LHFPL2: variants seen among roughly 807,000 people sequenced by gnomAD.
LHFPL2 encodes LHFPL tetraspan subfamily member 2, also known as LHFPL tetraspan subfamily member 2 protein.
In LHFPL2, 7 loss-of-function variants were observed where a neutral mutation model predicts 17.5. The ratio of observed to expected loss-of-function variants is 0.40; its 90% CI spans 0.23 to 0.75. The LOEUF (loss-of-function observed/expected upper bound fraction) is 0.75, where lower values mean the gene tolerates loss of function less well. Among genes scored for constraint, LHFPL2 ranks in the 30% least tolerant of loss-of-function variants. The pLI is 0.37. For missense variants in LHFPL2, 241 were observed against 294.8 expected, an observed-to-expected ratio of 0.82 and a Z score of 1.34; for synonymous variants, 134 against 116.2, an observed-to-expected ratio of 1.15 and a Z score of -0.99.
At position 78,510,347 on chromosome 5, in the gene LHFPL2, G is replaced by C. The variant is rs539134620; in HGVS notation, c.-134C>G. 2.5e-3 allele frequency: 2,198 copies of C among 891,738 alleles called. 26 individuals are homozygous for C. In the African/African-American group the frequency reaches 0.032, roughly 13 times the overall value. The allele number at this position is 891,738 out of a possible 1,614,324, so 55.2% of individuals were successfully genotyped here. A position where few individuals can be genotyped will look rare whatever the true frequency, so the allele number is the denominator to read the frequency against. The stretch of plus-strand genomic sequence containing the variant: ...GTCATTCACTCCCGCCGCCGGCCGC[G>C]TTCATGCTGGGGACAGCGCTCCCGG... On this transcript the variant is annotated 5_prime_UTR_variant, in exon 4 of 5. Coordinates refer to ENST00000380345, the MANE Select transcript of LHFPL2 (RefSeq NM_005779.3).
At chr5:78,635,042 C>T (rs75180558) in intron 1 of LHFPL2, among the ~76,000 whole-genome samples, 2,244 of 152,232 alleles carry the variant, frequency 0.015, 63 homozygotes, top group African/African-American at 0.051. Context: ...CACAGACATT[C>T]CCAGAGTTCT....
At chr5:78,495,894 A>C (rs914500826) in intron 4 of LHFPL2, among the ~76,000 whole-genome samples, 31 of 152,282 alleles carry the variant, frequency 2.0e-4, no homozygotes, top group African/African-American at 7.2e-4. Flanking sequence ...GGCTGGTGAT[A>C]GTCAACAATC....
At chr5:78,635,794 C>G (rs1237433497) in intron 1 of LHFPL2, among the ~76,000 whole-genome samples, 1 of 149,450 alleles carries the variant, frequency 6.7e-6, no homozygotes, top group Non-Finnish European at 1.5e-5. Flanking sequence ...CAGAGCGAGA[C>G]TCCGTCTCAA....
chr5:78,632,524 AC>A (rs1745290265), intron 1 of LHFPL2, among the ~76,000 whole-genome samples, 156 bp from the exon 2 acceptor site: 1 of 152,196 alleles, frequency 6.6e-6, no homozygotes, highest in African/African-American at 2.4e-5. Flanking sequence ...GATCAAACAG[AC>A]CTAGGTGACA....
At chr5:78,524,542 G>T (rs1232590045) in intron 3 of LHFPL2, among the ~76,000 whole-genome samples, 2 of 152,122 alleles carry the variant, frequency 1.3e-5, no homozygotes, top group African/African-American at 2.4e-5. Flanking sequence ...AGGAGTTCAA[G>T]ATCAGCCTGG....
At chr5:78,502,297 C>T (rs922067013) in intron 4 of LHFPL2, among the ~76,000 whole-genome samples, 3 of 152,206 alleles carry the variant, frequency 2.0e-5, no homozygotes, top group African/African-American at 7.2e-5. Flanking sequence ...TGTGGAGAAA[C>T]AATCTAGAAG....
At chr5:78,621,573 T>C (rs917103593) in intron 2 of LHFPL2, among the ~76,000 whole-genome samples, 41 of 152,200 alleles carry the variant, frequency 2.7e-4, no homozygotes, top group Admixed American at 7.9e-4. Context: ...GGTTCACCTT[T>C]GGAAAACTCC....
intron 3 of LHFPL2, among the ~76,000 whole-genome samples, chr5:78,545,467 C>A (rs1012200458): frequency 1.3e-5 from 2 of 152,156 alleles, no homozygotes; most frequent in African/African-American, 4.8e-5. Flanking sequence ...GTCTGCTAGG[C>A]AAATGGGGAC....
chr5:78,614,534 C>G (rs1744532457), intron 2 of LHFPL2, among the ~76,000 whole-genome samples: 1 of 152,224 alleles, frequency 6.6e-6, no homozygotes, highest in Admixed American at 6.5e-5. Flanking sequence ...CATAAACCTA[C>G]TGTTTCTATT....
intron 1 of LHFPL2, among the ~76,000 whole-genome samples, chr5:78,637,987 T>C (rs1024403836): frequency 6.6e-6 from 1 of 152,156 alleles, no homozygotes; most frequent in African/African-American, 2.4e-5. Context: ...CTGGTTTGTC[T>C]TGGGGCCAGA....
intron 3 of LHFPL2, among the ~76,000 whole-genome samples, chr5:78,514,131 G>A (rs1755218470): frequency 1.3e-5 from 2 of 152,194 alleles, no homozygotes; most frequent in Admixed American, 1.3e-4. Flanking sequence ...GGCATCCGTT[G>A]CTATTAACCA....
At chr5:78,633,178 C>T (rs1477029453) in intron 1 of LHFPL2, among the ~76,000 whole-genome samples, 1 of 152,162 alleles carries the variant, frequency 6.6e-6, no homozygotes, top group African/African-American at 2.4e-5. Flanking sequence ...ATCTTAGCTG[C>T]CCCAAATGCC....
rs544728451 is a variant in LHFPL2, at chr5:78,617,038, T to C, written c.-245+15226A>G. 2.1e-3 allele frequency among the ~76,000 whole-genome samples: 313 copies of C among 152,106 alleles called. 1 individual carries two copies. Among genetic ancestry groups the C allele is most frequent in the African/African-American group, 7.2e-3 (299 of 41,518 alleles). On this transcript the variant is annotated intron_variant, in intron 2 of 4. Transcript: ENST00000380345. Reference sequence around the variant, plus strand: ...TCTAGAGTTTCTCTTTTTTTTTTCTTTTTTTTTGAGATGGAGTTTTACTCT... The same window carrying C: ...TCTAGAGTTTCTCTTTTTTTTTTCTCTTTTTTTGAGATGGAGTTTTACTCT...
At chr5:78,531,634 G>A (rs1755787590) in intron 3 of LHFPL2, among the ~76,000 whole-genome samples, 1 of 152,050 alleles carries the variant, frequency 6.6e-6, no homozygotes, top group Admixed American at 6.5e-5. Flanking sequence ...TCCTGGCCCT[G>A]AATAAAACCC....
intron 3 of LHFPL2, among the ~76,000 whole-genome samples, chr5:78,529,250 C>T (rs1394044043): frequency 1.3e-5 from 2 of 152,208 alleles, no homozygotes; most frequent in African/African-American, 4.8e-5. Context: ...TGTGCCACTA[C>T]ACTCCAGCCT....
At chr5:78,565,194 C>T (rs1756827938) in intron 2 of LHFPL2, among the ~76,000 whole-genome samples, 2 of 152,210 alleles carry the variant, frequency 1.3e-5, no homozygotes, top group African/African-American at 4.8e-5. Flanking sequence ...TCCGGGAGGA[C>T]ACTTTATGAA....
At chr5:78,576,130 C>G (rs1214496312) in intron 2 of LHFPL2, among the ~76,000 whole-genome samples, 2 of 152,008 alleles carry the variant, frequency 1.3e-5, no homozygotes, top group African/African-American at 4.8e-5. Context: ...CCCGTCTCCA[C>G]TAAAAAAACA....
chr5:78,539,957 G>A (rs780590354), intron 3 of LHFPL2, among the ~76,000 whole-genome samples: 18 of 151,828 alleles, frequency 1.2e-4, no homozygotes, highest in Admixed American at 3.3e-4. Context: ...CCACACAGTC[G>A]AGCATTTAAT....
rs564337888 is a variant in LHFPL2 at position 78,606,588 on chromosome 5, G to A, written c.-245+25676C>T. ...CTCTGGGGAAATCCAGCTGTTTGCC[G>A]AGGGTGGGCGGGGGTGAAATGTGAA... On this transcript the variant is annotated intron_variant, in intron 2 of 4. Transcript: ENST00000380345. 3.1e-3 allele frequency among the ~76,000 whole-genome samples: 475 copies of A among 152,308 alleles called. 5 individuals carry two copies. Among genetic ancestry groups the A allele is most frequent in the African/African-American group, 0.011 (440 of 41,556 alleles).
Sources: gnomAD v4.1 joint callset for allele counts (sites outside exome capture counted in the v4.1 genomes callset) on GRCh38, gnomAD v4.1.1 for gene constraint, MANE v1.5 for transcripts, NCBI Gene and HGNC (gene_info 2026-07-23, HGNC 2026-07-21) for gene names.